The following FER variants were observed in gnomAD, a reference collection of about 807,000 sequenced individuals.
FER encodes the protein FER tyrosine kinase.
In FER, 63 loss-of-function variants were observed where a neutral mutation model predicts 111.0. The observed-to-expected ratio is 0.57, with a 90% confidence interval of 0.46 to 0.70. The LOEUF (loss-of-function observed/expected upper bound fraction) is 0.70, where lower values mean the gene tolerates loss of function less well. FER is among the 30% of genes least tolerant of loss of function. The pLI is 0.00. For synonymous variants in FER, 327 were observed against 313.9 expected (o/e 1.04, Z -0.44); for missense variants, 914 against 954.0 (o/e 0.96, Z 0.55).
chr5:109,033,956 C>G (rs1770003896), intron 13 of FER, among the ~76,000 whole-genome samples: 1 of 151,964 alleles, frequency 6.6e-6, no homozygotes, highest in Admixed American at 6.6e-5. Flanking sequence ...CTAACATATC[C>G]ATCACTTCAC....
At chr5:108,903,237 C>T (rs1434525365) in intron 10 of FER, among the ~76,000 whole-genome samples, 1 of 152,098 alleles carries the variant, frequency 6.6e-6, no homozygotes, top group Non-Finnish European at 1.5e-5. Context: ...TGTTTAAGCC[C>T]TTTTGCTAGA....
intron 10 of FER, among the ~76,000 whole-genome samples, chr5:108,934,765 A>G (rs1239427142): frequency 6.6e-6 from 1 of 152,140 alleles, no homozygotes; most frequent in Non-Finnish European, 1.5e-5. Context: ...GTTTCCTGGA[A>G]TTATCAGGGC....
At chr5:108,799,562 G>A (rs1756405633) in intron 3 of FER, among the ~76,000 whole-genome samples, 1 of 152,080 alleles carries the variant, frequency 6.6e-6, no homozygotes, top group African/African-American at 2.4e-5. Context: ...AAAAAATACA[G>A]GACACCATTT....
intron 5 of FER, among the ~76,000 whole-genome samples, chr5:108,850,210 A>T (rs1438718080): frequency 6.6e-6 from 1 of 151,370 alleles, no homozygotes; most frequent in African/African-American, 2.4e-5. Context: ...AAAAAAAATC[A>T]TATTATTAGT....
At chr5:109,144,622 G>C (rs1234417172) in intron 17 of FER, among the ~76,000 whole-genome samples, 1 of 151,994 alleles carries the variant, frequency 6.6e-6, no homozygotes, top group African/African-American at 2.4e-5. Context: ...TCTTTGGTTT[G>C]GTTTGATTTT....
intron 2 of FER, among the ~76,000 whole-genome samples, chr5:108,790,309 C>G (rs1160408208): frequency 6.6e-6 from 1 of 151,180 alleles, no homozygotes; most frequent in African/African-American, 2.4e-5. Context: ...TTTTTTTTCT[C>G]TATTTGGAAA....
At chr5:108,855,822 C>T (rs1039154694) in intron 5 of FER, among the ~76,000 whole-genome samples, 1 of 151,874 alleles carries the variant, frequency 6.6e-6, no homozygotes, top group South Asian at 2.1e-4. Flanking sequence ...AGGGAAAACC[C>T]TAAATGGGCT....
chr5:108,859,116 A>G (rs538297504), intron 5 of FER, among the ~76,000 whole-genome samples: 1 of 152,248 alleles, frequency 6.6e-6, no homozygotes, highest in East Asian at 1.9e-4. Flanking sequence ...TTTCTACTAG[A>G]AATGTATGAA....
intron 13 of FER, among the ~76,000 whole-genome samples, chr5:109,029,425 CTTTT>C (rs757282669): frequency 3.1e-4 from 16 of 52,198 alleles, no homozygotes; most frequent in African/African-American, 1.2e-3. Flanking sequence ...ATTCATTGTT[CTTTT>C]TTTTTTTTTT....
Position 109,190,917 on chromosome 5 carries a change from T to G in FER, c.*3342T>G, listed in dbSNP as rs190516695. 1.3e-5 allele frequency: 2 copies of G among 152,296 alleles called. No homozygotes were observed. The highest frequency in any genetic ancestry group is 4.8e-5 in the African/African-American group (2 of 41,592). The allele number at this position is 152,296 out of a possible 1,614,324, so 9.4% of individuals were successfully genotyped here. A position where few individuals can be genotyped will look rare whatever the true frequency, so the allele number is the denominator to read the frequency against. ...AGTTGTTTTTCATTTTAGGATTATT[T>G]TGAGAAGAAAAAATGTTTTGTAATT... On this transcript the variant is annotated 3_prime_UTR_variant, in exon 20 of 20. Transcript: ENST00000281092.
intron 10 of FER, among the ~76,000 whole-genome samples, chr5:108,901,416 A>G (rs1279339560): frequency 1.3e-5 from 2 of 152,046 alleles, no homozygotes; most frequent in African/African-American, 4.8e-5. Flanking sequence ...GGAATGGAGT[A>G]TAAGGAAAAG....
At chr5:109,056,745 CTA>C (rs1279468341) in intron 16 of FER, among the ~76,000 whole-genome samples, 1 of 152,074 alleles carries the variant, frequency 6.6e-6, no homozygotes, top group African/African-American at 2.4e-5. Flanking sequence ...AAATGGGTAA[CTA>C]TGTAAGATGA....
intron 3 of FER, among the ~76,000 whole-genome samples, chr5:108,805,717 A>T (rs1161750248): frequency 6.6e-6 from 1 of 152,080 alleles, no homozygotes; most frequent in Non-Finnish European, 1.5e-5. Context: ...TGCCCTAGAG[A>T]TTTATCGAAA....
At chr5:109,149,122 A>G (rs1754546525) in intron 17 of FER, among the ~76,000 whole-genome samples, 1 of 152,148 alleles carries the variant, frequency 6.6e-6, no homozygotes, top group South Asian at 2.1e-4. Context: ...AAATTGTGAC[A>G]TCTTTTTATT....
At chr5:108,819,735 G>A in intron 3 of FER, 2 of 931,580 alleles carry the variant, frequency 2.1e-6, no homozygotes, top group Non-Finnish European at 1.3e-6. Flanking sequence ...TTCATTCTAT[G>A]TGAGAGAGAA....
chr5:108,774,077 G>C (rs1753220186), intron 2 of FER, among the ~76,000 whole-genome samples: 1 of 151,260 alleles, frequency 6.6e-6, no homozygotes, highest in Admixed American at 6.6e-5. Context: ...AACAGGCCCT[G>C]GTATGTGTTG....
At position 108,835,193 on chromosome 5, in the gene FER, C is replaced by A. The variant is rs577498287; in HGVS notation, c.382-515C>A. 1.5e-4 allele frequency among the ~76,000 whole-genome samples: 19 copies of A among 124,480 alleles called. 5 individuals carry two copies. Among genetic ancestry groups the A allele is most frequent in the African/African-American group, 6.1e-4 (19 of 30,914 alleles). 81.7% of individuals were successfully genotyped at this position (124,480 alleles called of 152,430 possible). On this transcript the variant is annotated intron_variant, in intron 4 of 19. Coordinates refer to ENST00000281092, the MANE Select transcript of FER (RefSeq NM_005246.4). Reference sequence around the variant, plus strand: ...TTTCTTCGTTTGCGCCACCCCCCCCCCCCCACTTTTTTTTTGAGTCAAGTT... The same window carrying A: ...TTTCTTCGTTTGCGCCACCCCCCCCACCCCACTTTTTTTTTGAGTCAAGTT...
At chr5:108,866,167 C>G (rs1256525210) in intron 5 of FER, among the ~76,000 whole-genome samples, 1 of 152,136 alleles carries the variant, frequency 6.6e-6, no homozygotes, top group East Asian at 1.9e-4. Flanking sequence ...TTCACAATAG[C>G]AAAGACTTGG....
intron 19 of FER, 122 bp downstream of exon 19, chr5:109,186,444 CTG>C (rs1758875311): frequency 7.0e-6 from 10 of 1,433,394 alleles, no homozygotes; most frequent in Non-Finnish European, 6.7e-6. Context: ...GAGACCATCT[CTG>C]GGGTTCAGAA....
Sources: allele counts gnomAD v4.1 joint callset (sites outside exome capture counted in the v4.1 genomes callset), GRCh38; gene constraint gnomAD v4.1.1; transcripts MANE v1.5; gene names NCBI Gene and HGNC (gene_info 2026-07-23, HGNC 2026-07-21).